Variants in ARHGAP15 observed in about 807,000 individuals in gnomAD.
The protein encoded by ARHGAP15 is rho GTPase-activating protein 15.
In ARHGAP15, 51 loss-of-function variants were observed where a neutral mutation model predicts 63.7. The ratio of observed to expected loss-of-function variants is 0.80; its 90% CI spans 0.64 to 1.01. The LOEUF (loss-of-function observed/expected upper bound fraction) is 1.01. Among genes scored for constraint, ARHGAP15 ranks in the 50% least tolerant of loss-of-function variants. The pLI, the probability that ARHGAP15 is intolerant of heterozygous loss-of-function variation, is 0.00. For synonymous variants in ARHGAP15, 191 were observed against 193.8 expected (o/e 0.99, Z 0.12); for missense variants, 560 against 564.6 (o/e 0.99, Z 0.08).
chr2:143,684,773 A>G (rs567235929), intron 12 of ARHGAP15, among the ~76,000 whole-genome samples: 3 of 152,326 alleles, frequency 2.0e-5, no homozygotes, highest in African/African-American at 7.2e-5. Context: ...CTCTGAAAGC[A>G]GTAGGGGTTG....
chr2:143,413,925 A>AG (rs1467725940), intron 6 of ARHGAP15, among the ~76,000 whole-genome samples: 7 of 85,772 alleles, frequency 8.2e-5, no homozygotes, highest in Admixed American at 4.4e-4. Context: ...GAAGGTAGGT[A>AG]GTTGTGTGTG....
intron 12 of ARHGAP15, among the ~76,000 whole-genome samples, chr2:143,644,739 A>C (rs1212180450): frequency 6.6e-6 from 1 of 152,134 alleles, no homozygotes; most frequent in East Asian, 1.9e-4. Flanking sequence ...TGCGTGCAAA[A>C]AAAATCAAGC....
intron 12 of ARHGAP15, among the ~76,000 whole-genome samples, chr2:143,680,658 G>A (rs1683057720): frequency 6.6e-6 from 1 of 152,214 alleles, no homozygotes; most frequent in Non-Finnish European, 1.5e-5. Context: ...AGCTGAAAAA[G>A]AGAAGGTGGT....
intron 8 of ARHGAP15, among the ~76,000 whole-genome samples, chr2:143,448,137 G>A (rs1354420220): frequency 6.6e-6 from 1 of 152,140 alleles, no homozygotes; most frequent in Admixed American, 6.6e-5. Context: ...TTTTGTACAG[G>A]AAGGAAAGAA....
At chr2:143,754,052 ATTAAT>A (rs1686482732) in intron 13 of ARHGAP15, among the ~76,000 whole-genome samples, 1 of 152,328 alleles carries the variant, frequency 6.6e-6, no homozygotes, top group African/African-American at 2.4e-5. Flanking sequence ...CAACATTAAA[ATTAAT>A]TTATTTTTCA....
chr2:143,536,856 C>A (rs1559035431), intron 10 of ARHGAP15, among the ~76,000 whole-genome samples: 1 of 152,010 alleles, frequency 6.6e-6, no homozygotes, highest in Non-Finnish European at 1.5e-5. Context: ...GTCTTTATAG[C>A]AGCATGATTT....
At chr2:143,742,194 G>T (rs1331302223) in intron 13 of ARHGAP15, among the ~76,000 whole-genome samples, 1 of 152,216 alleles carries the variant, frequency 6.6e-6, no homozygotes, top group Non-Finnish European at 1.5e-5. Context: ...TAGCAGATCT[G>T]ATCACAAGCT....
chr2:143,334,775 T>C (rs1684698315), intron 6 of ARHGAP15, among the ~76,000 whole-genome samples: 1 of 152,174 alleles, frequency 6.6e-6, no homozygotes, highest in South Asian at 2.1e-4. Flanking sequence ...AAAATAAAAT[T>C]GGTAACTAAA....
At chr2:143,686,013 T>C (rs774541311) in intron 12 of ARHGAP15, among the ~76,000 whole-genome samples, 22 of 152,170 alleles carry the variant, frequency 1.4e-4, no homozygotes, top group Non-Finnish European at 2.5e-4. Flanking sequence ...TTTTTATTTC[T>C]AAAGTCCTGG....
intron 1 of ARHGAP15, among the ~76,000 whole-genome samples, chr2:143,134,882 C>T (rs1380430401): frequency 6.6e-6 from 1 of 151,854 alleles, no homozygotes; most frequent in Non-Finnish European, 1.5e-5. Flanking sequence ...CGTGATCTGC[C>T]CACCTTGACC....
intron 9 of ARHGAP15, among the ~76,000 whole-genome samples, chr2:143,509,575 G>C (rs1467060052): frequency 6.6e-6 from 1 of 152,138 alleles, no homozygotes; most frequent in Non-Finnish European, 1.5e-5. Context: ...AAAAACATAG[G>C]CCATTCCATA....
intron 6 of ARHGAP15, among the ~76,000 whole-genome samples, chr2:143,316,817 A>C (rs1000830009): frequency 2.0e-5 from 3 of 151,940 alleles, no homozygotes; most frequent in Non-Finnish European, 4.4e-5. Context: ...GATTACAATA[A>C]ATCACTTCCT....
At chr2:143,367,375 A>G (rs1295707605) in intron 6 of ARHGAP15, among the ~76,000 whole-genome samples, 1 of 151,792 alleles carries the variant, frequency 6.6e-6, no homozygotes, top group African/African-American at 2.4e-5. Flanking sequence ...TTTATTTGCC[A>G]TCTTTCCTTT....
At chr2:143,394,223 A>G (rs1023355874) in intron 6 of ARHGAP15, among the ~76,000 whole-genome samples, 3 of 152,212 alleles carry the variant, frequency 2.0e-5, no homozygotes, top group African/African-American at 7.2e-5. Context: ...ACCATTCTGC[A>G]TAAACTAATT....
At chr2:143,692,801 A>G (rs1346110119) in intron 12 of ARHGAP15, among the ~76,000 whole-genome samples, 1 of 152,202 alleles carries the variant, frequency 6.6e-6, no homozygotes, top group Non-Finnish European at 1.5e-5. Context: ...AAGTCTCTGC[A>G]ACAGAAACTG....
chr2:143,418,896 A>G (rs775056732), intron 6 of ARHGAP15, among the ~76,000 whole-genome samples: 13 of 152,158 alleles, frequency 8.5e-5, no homozygotes, highest in Admixed American at 1.3e-4. Context: ...GACTTCTTGT[A>G]TCGAAGATTT....
rs1448170450 is a variant in ARHGAP15, at chr2:143,303,117, C to T, written c.474+52517C>T. 2.6e-5 allele frequency among the ~76,000 whole-genome samples: 4 copies of T among 151,948 alleles called. 1 individual carries two copies. Among genetic ancestry groups the T allele is most frequent in the Non-Finnish European group, 4.4e-5 (3 of 67,958 alleles). ...GTAGGCATGGGCAAAGACTTCATGACTAAAACACCAAAAACAATGGCAACA... is the reference window on the plus strand; with the variant it reads ...GTAGGCATGGGCAAAGACTTCATGATTAAAACACCAAAAACAATGGCAACA... On this transcript the variant is annotated intron_variant, in intron 6 of 13. Transcript: ENST00000295095.
chr2:143,407,558 G>GAC (rs1688252010), intron 6 of ARHGAP15, among the ~76,000 whole-genome samples: 1 of 151,684 alleles, frequency 6.6e-6, no homozygotes, highest in African/African-American at 2.4e-5. Context: ...AATACCCTGG[G>GAC]ATGTTCTTCA....
intron 6 of ARHGAP15, among the ~76,000 whole-genome samples, chr2:143,389,881 G>A (rs1687462849): frequency 2.0e-5 from 3 of 151,886 alleles, no homozygotes; most frequent in African/African-American, 7.3e-5. Context: ...CAGAAAGCAA[G>A]TTTTCCATAA....
Sources: gnomAD v4.1 joint callset for allele counts (sites outside exome capture counted in the v4.1 genomes callset) on GRCh38, gnomAD v4.1.1 for gene constraint, MANE v1.5 for transcripts, NCBI Gene and HGNC (gene_info 2026-07-23, HGNC 2026-07-21) for gene names.